The following COL25A1 variants were observed in gnomAD, a reference collection of about 807,000 sequenced individuals.
COL25A1 encodes the protein collagen alpha-1(XXV) chain.
COL25A1 carries 103 observed loss-of-function variants against 128.4 expected under a neutral mutation model. The observed-to-expected ratio is 0.80, with a 90% CI of 0.68 to 0.94. COL25A1 has a LOEUF of 0.94. COL25A1 is among the 40% of genes least tolerant of loss of function. COL25A1 has a pLI of 0.00. For missense variants in COL25A1, 745 were observed against 840.0 expected, an observed-to-expected ratio of 0.89 and a Z score of 1.40; for synonymous variants, 279 against 277.2, an observed-to-expected ratio of 1.01 and a Z score of -0.06.
chr4:109,017,530 TTGGATCTCTGAC>T (rs1169266285), intron 5 of COL25A1, among the ~76,000 whole-genome samples: 2 of 152,222 alleles, frequency 1.3e-5, no homozygotes, highest in African/African-American at 4.8e-5. Context: ...ACAAACTCAT[TTGGATCTCTGAC>T]TGAGGAAATT....
intron 16 of COL25A1, among the ~76,000 whole-genome samples, chr4:108,892,866 C>T (rs939977200): frequency 5.3e-5 from 8 of 152,040 alleles, no homozygotes; most frequent in Non-Finnish European, 8.8e-5. Context: ...AAGTTTACAG[C>T]GGACTGAAGA....
chr4:108,897,407 C>T (rs953830127), intron 15 of COL25A1, among the ~76,000 whole-genome samples: 4 of 152,122 alleles, frequency 2.6e-5, no homozygotes, highest in Admixed American at 6.5e-5. Context: ...AATAAGCATT[C>T]GTTTATTATC....
chr4:109,165,830 G>A (rs1773017340), intron 3 of COL25A1, among the ~76,000 whole-genome samples: 1 of 152,164 alleles, frequency 6.6e-6, no homozygotes, highest in South Asian at 2.1e-4. Context: ...TAAATTAAGT[G>A]TAATTTTAAA....
intron 5 of COL25A1, among the ~76,000 whole-genome samples, chr4:109,029,855 T>G (rs1758664169): frequency 6.6e-6 from 1 of 152,194 alleles, no homozygotes; most frequent in Non-Finnish European, 1.5e-5. Flanking sequence ...TTATAATTCT[T>G]AGATATTATT....
intron 5 of COL25A1, among the ~76,000 whole-genome samples, chr4:109,037,576 A>G (rs1238270069): frequency 2.6e-5 from 4 of 152,224 alleles, no homozygotes; most frequent in Non-Finnish European, 5.9e-5. Flanking sequence ...GGAATGTTTC[A>G]TTCTCGCATG....
At chr4:109,066,576 T>C (rs1183145560) in intron 3 of COL25A1, among the ~76,000 whole-genome samples, 3 of 152,222 alleles carry the variant, frequency 2.0e-5, no homozygotes, top group Non-Finnish European at 4.4e-5. Context: ...ATCTTTGAAC[T>C]CTAGTGCCTA....
At position 109,013,498 on chromosome 4, in the gene COL25A1, C is replaced by CTTTGTTCTTCACACTGTGTAGGG. The variant is rs1182213282; in HGVS notation, c.421-3124_421-3123insCCCTACACAGTGTGAAGAACAAA. Among the ~76,000 whole-genome samples, 40 of 151,766 alleles carry CTTTGTTCTTCACACTGTGTAGGG rather than the reference C, an allele frequency of 2.6e-4. No homozygotes were observed. The Middle Eastern group carries it at 0.01, about 39-fold the overall frequency. On this transcript the variant is annotated intron_variant, in intron 5 of 37. Coordinates refer to ENST00000399132, the MANE Select transcript of COL25A1 (RefSeq NM_198721.4). ...CGAGTCCCCTTCCACACTGTGTAGG[C>CTTTGTTCTTCACACTGTGTAGGG]TTTGTTCTTTCACTCTTTGCAATAA...
At chr4:109,247,236 C>A (rs1780327616) in intron 3 of COL25A1, among the ~76,000 whole-genome samples, 1 of 152,044 alleles carries the variant, frequency 6.6e-6, no homozygotes, top group African/African-American at 2.4e-5. Context: ...ATCTGAGCTA[C>A]TCAGGAAGCT....
intron 3 of COL25A1, among the ~76,000 whole-genome samples, chr4:109,187,497 G>A (rs1194935865): frequency 6.6e-6 from 1 of 152,066 alleles, no homozygotes; most frequent in African/African-American, 2.4e-5. Flanking sequence ...TGCCTCATAG[G>A]GTTGGCACGA....
At chr4:108,847,954 C>G (rs187325159) in intron 27 of COL25A1, among the ~76,000 whole-genome samples, 1 of 152,054 alleles carries the variant, frequency 6.6e-6, no homozygotes, top group African/African-American at 2.4e-5. Context: ...TAATGGAAAT[C>G]AAGAAAACAC....
chr4:108,945,717 G>T (rs1392484664), intron 8 of COL25A1, among the ~76,000 whole-genome samples: 2 of 152,174 alleles, frequency 1.3e-5, no homozygotes, highest in African/African-American at 2.4e-5. Context: ...AGGCTGGAGT[G>T]TAGTGGCGCG....
At chr4:109,188,280 C>A (rs1306571326) in intron 3 of COL25A1, among the ~76,000 whole-genome samples, 2 of 152,128 alleles carry the variant, frequency 1.3e-5, no homozygotes, top group Non-Finnish European at 1.5e-5. Flanking sequence ...ACTCTCCTTC[C>A]AAGGAGACTG....
At chr4:108,858,172 G>T (rs1455735205) in intron 24 of COL25A1, among the ~76,000 whole-genome samples, 1 of 152,100 alleles carries the variant, frequency 6.6e-6, no homozygotes, top group Non-Finnish European at 1.5e-5. Context: ...AGAAGCTTGG[G>T]CTTGATAGAA....
chr4:109,214,473 C>T (rs1777827492), intron 3 of COL25A1, among the ~76,000 whole-genome samples: 1 of 151,992 alleles, frequency 6.6e-6, no homozygotes, highest in South Asian at 2.1e-4. Flanking sequence ...CACTAGTAAC[C>T]AGTAACACTG....
At chr4:108,990,253 T>A (rs1407897209) in intron 6 of COL25A1, among the ~76,000 whole-genome samples, 39 of 121,054 alleles carry the variant, frequency 3.2e-4, no homozygotes, top group East Asian at 1.7e-3. Flanking sequence ...TATATATATA[T>A]ATATATATAT....
chr4:109,108,501 G>A (rs1022836905), intron 3 of COL25A1, among the ~76,000 whole-genome samples: 3 of 152,032 alleles, frequency 2.0e-5, no homozygotes, highest in African/African-American at 7.3e-5. Context: ...ACGTGTGCAT[G>A]TGTCTTTATA....
At chr4:109,137,058 C>G (rs188206769) in intron 3 of COL25A1, among the ~76,000 whole-genome samples, 68 of 152,320 alleles carry the variant, frequency 4.5e-4, no homozygotes, top group Admixed American at 1.0e-3. Context: ...TTCCTAGACA[C>G]CTGACCCACA....
chr4:109,217,677 G>A (rs1055287788), intron 3 of COL25A1, among the ~76,000 whole-genome samples: 4 of 152,106 alleles, frequency 2.6e-5, no homozygotes, highest in African/African-American at 4.8e-5. Flanking sequence ...CATAATCCAC[G>A]GAGTCCTTTG....
In COL25A1 at chr4:108,935,627, G is replaced by GA. The variant is rs576324513; in HGVS notation, c.708+2180dup. Among the ~76,000 whole-genome samples, 346 of 147,378 alleles carry GA rather than the reference G, an allele frequency of 2.3e-3. 1 individual carries two copies. The highest frequency in any genetic ancestry group is 3.4e-3 in the Non-Finnish European group (224 of 66,538). The stretch of plus-strand genomic sequence containing the variant: ...TTTAAAGAGTCAAGAAAAGTTTGTA[G>GA]AAAAAAAAAACCAGTATTGTTTCAC... On this transcript the variant is annotated intron_variant, in intron 11 of 37. Transcript: ENST00000399132.
Sources: gnomAD v4.1 joint callset for allele counts (sites outside exome capture counted in the v4.1 genomes callset) on GRCh38, gnomAD v4.1.1 for gene constraint, MANE v1.5 for transcripts, NCBI Gene and HGNC (gene_info 2026-07-23, HGNC 2026-07-21) for gene names.